Variants in FAM81A observed in about 807,000 individuals in gnomAD.
The protein encoded by FAM81A is family with sequence similarity 81 member A.
Under a neutral mutation model 46.7 loss-of-function variants are expected in FAM81A, and 19 were observed. The observed-to-expected ratio is 0.41, with a 90% CI of 0.28 to 0.60. FAM81A has a LOEUF of 0.60. Ranked by LOEUF, FAM81A falls within the 20% of genes least tolerant of loss-of-function variation. The pLI is 0.34. For missense variants in FAM81A, 377 were observed against 453.5 expected (o/e 0.83, Z 1.53); for synonymous variants, 183 against 152.9 (o/e 1.20, Z -1.45).
intron 1 of FAM81A, among the ~76,000 whole-genome samples, chr15:59,453,040 G>A (rs2081437985): frequency 2.0e-5 from 3 of 152,212 alleles, no homozygotes; most frequent in Admixed American, 1.3e-4. Context: ...TGGGATCATA[G>A]GCATGAGCCA....
At chr15:59,422,542 T>C (rs2081178612) in intron 2 of FAM81A, among the ~76,000 whole-genome samples, 1 of 152,152 alleles carries the variant, frequency 6.6e-6, no homozygotes, top group Non-Finnish European at 1.5e-5. Context: ...AGTGGTGTGA[T>C]CTCAGCTCAC....
intron 2 of FAM81A, among the ~76,000 whole-genome samples, chr15:59,421,047 T>C (rs2081168768): frequency 6.6e-6 from 1 of 152,170 alleles, no homozygotes; most frequent in South Asian, 2.1e-4. Flanking sequence ...CGTGCTCTAC[T>C]GTGTTCTGGT....
At chr15:59,463,976 A>G (rs1279703276) in intron 3 of FAM81A, among the ~76,000 whole-genome samples, 1 of 151,794 alleles carries the variant, frequency 6.6e-6, no homozygotes, top group African/African-American at 2.4e-5. Flanking sequence ...CCTTCCCCCT[A>G]CCCATCCCAT....
intron 2 of FAM81A, among the ~76,000 whole-genome samples, chr15:59,432,422 A>G (rs1030123774): frequency 1.3e-5 from 2 of 152,254 alleles, no homozygotes; most frequent in African/African-American, 4.8e-5. Context: ...CTTGGGGAAG[A>G]CAGGGGAATG....
At chr15:59,504,065 C>A (rs2082124511) in intron 4 of FAM81A, among the ~76,000 whole-genome samples, 1 of 152,028 alleles carries the variant, frequency 6.6e-6, no homozygotes. Flanking sequence ...TGTAGTGATA[C>A]CTGATAGTGT....
At chr15:59,472,759 C>G (rs960887927) in intron 3 of FAM81A, among the ~76,000 whole-genome samples, 1 of 152,020 alleles carries the variant, frequency 6.6e-6, no homozygotes, top group Non-Finnish European at 1.5e-5. Context: ...GGTATGTTGT[C>G]CAATCATTTC....
At chr15:59,471,550 A>T (rs530880608) in intron 3 of FAM81A, among the ~76,000 whole-genome samples, 1 of 151,558 alleles carries the variant, frequency 6.6e-6, no homozygotes, top group East Asian at 1.9e-4. Flanking sequence ...GCAGCGTCAA[A>T]CTCCTGGGCT....
intron 2 of FAM81A, among the ~76,000 whole-genome samples, chr15:59,409,316 C>T (rs1158858860): frequency 1.3e-5 from 2 of 152,142 alleles, no homozygotes; most frequent in Non-Finnish European, 2.9e-5. Context: ...CAGAAGTTAC[C>T]GCCCCAAACC....
chr15:59,428,646 T>C, intron 2 of FAM81A, among the ~76,000 whole-genome samples: 1 of 145,004 alleles, frequency 6.9e-6, no homozygotes, highest in Non-Finnish European at 1.5e-5. Context: ...TTTTTTTTTT[T>C]TTGAGATAGT....
intron 3 of FAM81A, among the ~76,000 whole-genome samples, chr15:59,469,538 C>CT (rs199942364): frequency 0.012 from 1,669 of 142,690 alleles, 17 homozygotes; most frequent in African/African-American, 0.034. Flanking sequence ...GCAACCCCTG[C>CT]TTTTTTTTTT....
chr15:59,459,976 G>A lies in FAM81A; in HGVS notation c.64G>A (p.Ala22Thr). ...MPRHSQSLTM[A>T]PYSSVSLVEQ... ...CCGACACAGCCAGTCCCTGACCATG[G>A]CACCATACTCATCTGTAAGCCTCGT... The change falls in exon 3 of 9, where the codon GCA becomes ACA. Residue 22 changes from alanine to threonine, a missense_variant. Transcript: ENST00000288228. 1 of 1,611,706 alleles carries A rather than the reference G, an allele frequency of 6.2e-7. No individual in the cohort carries two copies. Among genetic ancestry groups the A allele is most frequent in the Non-Finnish European group, 8.5e-7 (1 of 1,178,896 alleles).
rs71119479 is a variant in FAM81A, at chr15:59,510,777, C to CAA, written c.650+1837_650+1838dup. On this transcript the variant is annotated intron_variant, in intron 6 of 8. Transcript: ENST00000288228. ...TAAGTGACAGAATGAGACCCTGTCT[C>CAA]AAAAAAAAAAAAAAAAAAAAAAAAA... is the stretch of plus-strand genomic sequence containing the variant. Among the ~76,000 whole-genome samples the CAA allele has an allele frequency of 9.4e-3, 243 of 25,766 alleles. 40 individuals carry two copies. Among genetic ancestry groups the CAA allele is most frequent in the African/African-American group, 0.028 (173 of 6,194 alleles). The allele number at this position is 25,766 out of a possible 152,430, so 16.9% of individuals were successfully genotyped here.
intron 3 of FAM81A, among the ~76,000 whole-genome samples, chr15:59,472,205 G>A (rs746866135): frequency 4.6e-5 from 7 of 152,146 alleles, no homozygotes; most frequent in Non-Finnish European, 1.0e-4. Flanking sequence ...GCTGGGCGCG[G>A]TGGCTCATAC....
intron 2 of FAM81A, among the ~76,000 whole-genome samples, chr15:59,423,182 C>T (rs559579133): frequency 6.6e-6 from 1 of 152,274 alleles, no homozygotes; most frequent in South Asian, 2.1e-4. Flanking sequence ...ACTGCAAGCT[C>T]CGCCTCCCAA....
At chr15:59,399,570 G>A (rs2140460636) in intron 1 of FAM81A, among the ~76,000 whole-genome samples, 1 of 152,262 alleles carries the variant, frequency 6.6e-6, no homozygotes, top group East Asian at 1.9e-4. Context: ...TGAAAGGGAT[G>A]TACGAGAGGA....
chr15:59,434,589 C>G (rs2081234990), upstream of FAM81A, among the ~76,000 whole-genome samples: 1 of 152,246 alleles, frequency 6.6e-6, no homozygotes, highest in Admixed American at 6.5e-5. Flanking sequence ...ACTGTCCTCA[C>G]TCTTACATCT....
chr15:59,504,558 C>T (rs1346444739), intron 4 of FAM81A, among the ~76,000 whole-genome samples: 2 of 152,106 alleles, frequency 1.3e-5, no homozygotes, highest in African/African-American at 4.8e-5. Context: ...AATAAGTTTA[C>T]CACAATTTTA....
Position 59,521,658 on chromosome 15 carries a change from G to A in FAM81A, c.*280G>A, listed in dbSNP as rs990786941. The A allele has an allele frequency of 1.9e-5, 5 of 260,748 alleles. No homozygotes were observed. Among genetic ancestry groups the A allele is most frequent in the African/African-American group, 4.4e-5 (2 of 45,222 alleles). 16.2% of individuals were successfully genotyped at this position (260,748 alleles called of 1,614,324 possible). ...AAGGCTTTTATCTTCTTCATTTTAC[G>A]AATGGAAAGACGACAATTTTTCTTC... On this transcript the variant is annotated 3_prime_UTR_variant, in exon 9 of 9. Coordinates refer to ENST00000288228, the MANE Select transcript of FAM81A (RefSeq NM_152450.3).
In FAM81A at chr15:59,508,902, G is replaced by A; in HGVS notation, c.583G>A (p.Glu195Lys). 6.2e-7 allele frequency: 1 copy of A among 1,613,394 alleles called. No homozygotes were observed. The highest frequency in any genetic ancestry group is 8.5e-7 in the Non-Finnish European group (1 of 1,179,546). The change falls in exon 6 of 9, where the codon GAG (glutamate) becomes AAG (lysine). Residue 195 changes from glutamate (E) to lysine (K), a missense_variant. By Grantham distance (56) the Glu-to-Lys change is moderately conservative. Coordinates refer to ENST00000288228, the MANE Select transcript of FAM81A (RefSeq NM_152450.3). ...LLNRVDLSIS[E>K]QSTKLKMSHR... ...GAACAGAGTGGACTTGTCAATATCA[G>A]AGCAGAGCACCAAACTGAAGATGTC...
Sources: gnomAD v4.1 joint callset for allele counts (sites outside exome capture counted in the v4.1 genomes callset) on GRCh38, gnomAD v4.1.1 for gene constraint, MANE v1.5 for transcripts, NCBI Gene and HGNC (gene_info 2026-07-23, HGNC 2026-07-21) for gene names.